Variants in PTPRK observed in about 807,000 individuals in gnomAD.
PTPRK encodes the protein receptor-type tyrosine-protein phosphatase kappa.
In PTPRK, 75 loss-of-function variants were observed where a neutral mutation model predicts 178.0. That is an observed-to-expected ratio of 0.42 (90% confidence interval 0.35 to 0.51). The LOEUF (loss-of-function observed/expected upper bound fraction) is 0.51. Ranked by LOEUF, PTPRK falls within the 20% of genes least tolerant of loss-of-function variation. The pLI, the probability that PTPRK is intolerant of heterozygous loss-of-function variation, is 0.02. For synonymous variants in PTPRK, 637 were observed against 620.6 expected (o/e 1.03, Z -0.39); for missense variants, 1,441 against 1,797.8 (o/e 0.80, Z 3.59).
chr6:128,064,727 T>C (rs1481041803), intron 13 of PTPRK, 31 bp downstream of exon 13: 2 of 1,579,492 alleles, frequency 1.3e-6, no homozygotes, highest in South Asian at 1.2e-5. Flanking sequence ...GTGAGAGTAG[T>C]TAAAACAAGC....
At chr6:128,433,363 T>C (rs954002705) in intron 1 of PTPRK, among the ~76,000 whole-genome samples, 1 of 152,194 alleles carries the variant, frequency 6.6e-6, no homozygotes, top group African/African-American at 2.4e-5. Context: ...CACATGTGAA[T>C]GAGAACATGT....
rs1332171671 is a variant in PTPRK, at chr6:127,997,037, A to G, written c.2680-49T>C. On this transcript the variant is annotated intron_variant, in intron 16 of 29. Transcript: ENST00000368226. ...AGACTGAATTTAATTCCTTTTTAAA[A>G]ATCAGGTTTATCTGTTCTGAAGCCC... 3.2e-6 allele frequency: 5 copies of G among 1,568,052 alleles called. No homozygotes were observed. The Admixed American group carries it at 7.1e-5, about 22-fold the overall frequency.
intron 3 of PTPRK, among the ~76,000 whole-genome samples, chr6:128,308,133 G>A (rs1204448996): frequency 6.7e-6 from 1 of 149,394 alleles, no homozygotes; most frequent in Non-Finnish European, 1.5e-5. Context: ...TATTGACTGG[G>A]AAAAAAAAAT....
intron 7 of PTPRK, among the ~76,000 whole-genome samples, chr6:128,130,850 G>C (rs1794123843): frequency 6.6e-6 from 1 of 151,454 alleles, no homozygotes; most frequent in African/African-American, 2.4e-5. Context: ...AAAAAAAATT[G>C]AATAACTGAA....
At chr6:128,074,631 AC>A (rs1783446282) in intron 11 of PTPRK, among the ~76,000 whole-genome samples, 1 of 152,086 alleles carries the variant, frequency 6.6e-6, no homozygotes. Flanking sequence ...TCAAAGTTCT[AC>A]TTAAGTCAGG....
Position 128,520,376 on chromosome 6 carries a change from T to C in PTPRK, c.-18A>G. 6.3e-7 allele frequency: 1 copy of C among 1,591,956 alleles called. No homozygotes were observed. The highest frequency in any genetic ancestry group is 8.6e-7 in the Non-Finnish European group (1 of 1,168,830). ...GTATCCATGCCGAGTTTGGGAGAAG[T>C]TTCAAGCAGCTTTGCAAAGAGCTGC... On this transcript the variant is annotated 5_prime_UTR_variant, in exon 1 of 30. Coordinates refer to ENST00000368226, the MANE Select transcript of PTPRK (RefSeq NM_002844.4).
chr6:128,264,276 T>C (rs1422439204), intron 3 of PTPRK, among the ~76,000 whole-genome samples: 4 of 152,112 alleles, frequency 2.6e-5, no homozygotes, highest in Admixed American at 2.6e-4. Flanking sequence ...AAGATAAGTT[T>C]TTCTTTAAAG....
intron 1 of PTPRK, among the ~76,000 whole-genome samples, chr6:128,464,172 G>A (rs1362005655): frequency 6.6e-6 from 1 of 151,956 alleles, no homozygotes; most frequent in East Asian, 1.9e-4. Context: ...TTTAGGCAAT[G>A]AGCCAAACTA....
chr6:128,409,704 A>G (rs1002997024), intron 1 of PTPRK, among the ~76,000 whole-genome samples: 2 of 152,074 alleles, frequency 1.3e-5, no homozygotes, highest in Non-Finnish European at 1.5e-5. Flanking sequence ...GAGGGGGCCG[A>G]TGGGAGGTAA....
intron 2 of PTPRK, among the ~76,000 whole-genome samples, chr6:128,353,053 A>T (rs1374371713): frequency 6.6e-6 from 1 of 152,266 alleles, no homozygotes. Context: ...ACTTAAAAAA[A>T]ACTATTTATT....
In PTPRK at chr6:127,995,190, T is replaced by C. The variant is rs372366022; in HGVS notation, c.2844+272A>G. ...AGTAACAGAGCGTTAGTAATAACTG[T>C]AATTAAGAATGTTTGTATTTATAAT... On this transcript the variant is annotated intron_variant, in intron 18 of 29. Transcript: ENST00000368226. The C allele has an allele frequency of 1.7e-4, 247 of 1,463,674 alleles. 2 individuals carry two copies. The South Asian group carries it at 2.6e-3, about 15-fold the overall frequency. The allele number at this position is 1,463,674 out of a possible 1,614,324, so 90.7% of individuals were successfully genotyped here.
At chr6:128,320,173 A>G (rs991421794) in intron 3 of PTPRK, among the ~76,000 whole-genome samples, 2 of 152,192 alleles carry the variant, frequency 1.3e-5, no homozygotes, top group South Asian at 2.1e-4. Context: ...CCACAAGCAC[A>G]TATAACGAAG....
intron 2 of PTPRK, among the ~76,000 whole-genome samples, chr6:128,330,632 T>C (rs1485050185): frequency 6.6e-6 from 1 of 152,190 alleles, no homozygotes; most frequent in Non-Finnish European, 1.5e-5. Flanking sequence ...GCAAGTTTTA[T>C]GATTTCCACA....
chr6:128,278,533 T>C (rs1821152808), intron 3 of PTPRK, among the ~76,000 whole-genome samples: 1 of 152,150 alleles, frequency 6.6e-6, no homozygotes, highest in African/African-American at 2.4e-5. Context: ...GGTGCAGAAA[T>C]GAGAGCTGGA....
chr6:128,174,790 T>C (rs1238972006), intron 7 of PTPRK, among the ~76,000 whole-genome samples: 1 of 151,912 alleles, frequency 6.6e-6, no homozygotes, highest in Non-Finnish European at 1.5e-5. Flanking sequence ...AACCTTAAGA[T>C]AACCACCTAT....
chr6:128,363,659 T>C (rs1021076012), intron 2 of PTPRK, among the ~76,000 whole-genome samples: 6 of 152,248 alleles, frequency 3.9e-5, no homozygotes, highest in Non-Finnish European at 5.9e-5. Flanking sequence ...ATCATTTCTC[T>C]TTCATCTGGG....
chr6:128,458,962 T>C (rs1185073557), intron 1 of PTPRK, among the ~76,000 whole-genome samples: 1 of 152,168 alleles, frequency 6.6e-6, no homozygotes, highest in African/African-American at 2.4e-5. Context: ...ATTTTGGAAA[T>C]ACATGCATTG....
At chr6:128,095,285 C>T (rs1282843991) in intron 7 of PTPRK, among the ~76,000 whole-genome samples, 2 of 152,122 alleles carry the variant, frequency 1.3e-5, no homozygotes, top group African/African-American at 2.4e-5. Context: ...GTATCCCATA[C>T]ATTTATACAT....
chr6:128,330,868 AAAAACAAAAACAAAAACAAAAC>A (rs1194052530), intron 2 of PTPRK, among the ~76,000 whole-genome samples: 1 of 147,338 alleles, frequency 6.8e-6, no homozygotes, highest in East Asian at 2.0e-4. Flanking sequence ...AAACAAAAAC[AAAAACAAAAACAAAAACAAAAC>A]AAAACAAAAC....
Sources: gnomAD v4.1 joint callset for allele counts (sites outside exome capture counted in the v4.1 genomes callset) on GRCh38, gnomAD v4.1.1 for gene constraint, MANE v1.5 for transcripts, NCBI Gene and HGNC (gene_info 2026-07-23, HGNC 2026-07-21) for gene names.